PFAS: variants seen among roughly 807,000 people sequenced by gnomAD.
PFAS encodes phosphoribosylformylglycinamidine synthase.
A neutral mutation model predicts 140.6 loss-of-function variants in PFAS; 97 were observed. The observed-to-expected ratio is 0.69, with a 90% CI of 0.59 to 0.82. The LOEUF (loss-of-function observed/expected upper bound fraction) is 0.82. Among genes scored for constraint, PFAS ranks in the 40% least tolerant of loss-of-function variants. PFAS has a pLI of 0.00. For synonymous variants in PFAS, 679 were observed against 718.8 expected, an observed-to-expected ratio of 0.94 and a Z score of 0.88; for missense variants, 1,656 against 1,780.2, an observed-to-expected ratio of 0.93 and a Z score of 1.26.
chr17:8,253,021 C>T (rs1989219586), intron 1 of PFAS, among the ~76,000 whole-genome samples: 1 of 152,122 alleles, frequency 6.6e-6, no homozygotes, highest in Non-Finnish European at 1.5e-5. Flanking sequence ...CCCAGAGGCC[C>T]CACCTCCAAA....
intron 26 of PFAS, 37 bp from the exon 27 acceptor site, chr17:8,268,496 C>T (rs1989918146): frequency 2.0e-6 from 3 of 1,518,294 alleles, no homozygotes; most frequent in East Asian, 2.3e-5. Context: ...TTTTGAGGTC[C>T]TCCATGTCTC....
chr17:8,268,444 A>G (rs1267114711), intron 26 of PFAS, 89 bp from the exon 27 acceptor site: 1 of 853,984 alleles, frequency 1.2e-6, no homozygotes, highest in Non-Finnish European at 1.8e-6. Context: ...AGAAAAAAGA[A>G]AAGAAACAGA....
At position 8,266,148 on chromosome 17, in the gene PFAS, ACT is replaced by A; in HGVS notation, c.2702-83_2702-82del. The stretch of plus-strand genomic sequence containing the variant: ...CAGATCCCCTGACATTCTGACACAC[ACT>A]CTTGATGGACTGACTCCGGAAGGTG... On this transcript the variant is annotated intron_variant, in intron 21 of 27. Transcript: ENST00000314666. This position sits in a 1 kb window ranked among gnomAD's most constrained non-coding sequence, Gnocchi z 5.0. The A allele has an allele frequency of 6.4e-7, 1 of 1,573,416 alleles. No individual in the cohort carries two copies. Among genetic ancestry groups the A allele is most frequent in the Non-Finnish European group, 8.7e-7 (1 of 1,155,510 alleles).
At chr17:8,248,410 ATTTTTTTT>A (rs35534210), upstream of PFAS, among the ~76,000 whole-genome samples, 35 of 67,644 alleles carry the variant, frequency 5.2e-4, no homozygotes, top group African/African-American at 1.7e-3. Context: ...CGCCCGGCTA[ATTTTTTTT>A]TTTTTTTTTT....
In PFAS at chr17:8,266,282, C is replaced by T; in HGVS notation, c.2750C>T (p.Thr917Ile). The stretch of plus-strand genomic sequence containing the variant: ...GATGTCAGTGACGGAGGCCTCGTCA[C>T]ATGCCTGCTGGAGATGGCCTTTGCT... ...GHDVSDGGLVTCLLEMAFAGN... is the reference protein window; with the variant it reads ...GHDVSDGGLVICLLEMAFAGN... The change falls in exon 22 of 28, where the codon ACA becomes ATA. Residue 917 changes from threonine (T) to isoleucine (I), a missense_variant. Thr to Ile is a moderately conservative substitution (Grantham distance 89, BLOSUM62 -1). Coordinates refer to ENST00000314666, the MANE Select transcript of PFAS (RefSeq NM_012393.3). The surrounding 1 kb of genome is among the most constrained non-coding windows in gnomAD (Gnocchi z 5.0). 2 of 1,614,110 alleles carry T rather than the reference C, an allele frequency of 1.2e-6. No homozygotes were observed. The highest frequency in any genetic ancestry group is 8.5e-7 in the Non-Finnish European group (1 of 1,179,990).
Position 8,256,404 on chromosome 17 carries a change from G to A in PFAS, c.818G>A (p.Ser273Asn). The change falls in exon 7 of 28, where the codon AGC becomes AAC. Residue 273 changes from serine to asparagine, a missense_variant. Coordinates refer to ENST00000314666, the MANE Select transcript of PFAS (RefSeq NM_012393.3). The stretch of plus-strand genomic sequence containing the variant: ...AACGTCCTCAAATTCTGTGATAACA[G>A]CAGGTGCTGTGCCCTAGACTGGGTT... The part of the protein sequence containing the change: ...PNNVLKFCDN[S>N]SAIQGKEVRF... 6.2e-7 allele frequency: 1 copy of A among 1,614,088 alleles called. No homozygotes were observed. The highest frequency in any genetic ancestry group is 8.5e-7 in the Non-Finnish European group (1 of 1,180,028).
chr17:8,255,506 C>A lies in PFAS; in HGVS notation c.389C>A (p.Ala130Asp). 6.6e-7 allele frequency: 1 copy of A among 1,515,094 alleles called. No individual in the cohort carries two copies. Among genetic ancestry groups the A allele is most frequent in the South Asian group, 1.3e-5 (1 of 74,530 alleles). 93.9% of individuals were successfully genotyped at this position (1,515,094 alleles called of 1,614,324 possible). ...ETTRRYRLSF[A>D]HPPSAEVEAI... is the part of the protein sequence containing the mutation. ...TCTGTGTGTCTGCACCCCTAGTTTG[C>A]CCACCCCCCGTCAGCTGAGGTGGAA... The change falls in exon 5 of 28, where the codon GCC (alanine) becomes GAC (aspartate). Residue 130 changes from alanine to aspartate, a missense_variant. By Grantham distance (126) the Ala-to-Asp change is moderately radical. Around this residue, in one of 2 missense-constraint regions of PFAS, gnomAD observed 773 missense variants for 757.3 expected, o/e 1.02. Transcript: ENST00000314666.
At chr17:8,258,326 C>T (rs1989457939) in intron 11 of PFAS, 127 bp downstream of exon 11, 2 of 1,010,480 alleles carry the variant, frequency 2.0e-6, no homozygotes, top group Middle Eastern at 3.3e-4. Context: ...TTATGTGTCA[C>T]ATAATGATGG....
chr17:8,267,614 G>T lies in PFAS; in HGVS notation c.3331G>T (p.Val1111Leu). The change falls in exon 26 of 28, where the codon GTG (valine) becomes TTG (leucine). Residue 1111 changes from valine to leucine, a missense_variant. By Grantham distance (32) the Val-to-Leu change is conservative. Coordinates refer to ENST00000314666, the MANE Select transcript of PFAS (RefSeq NM_012393.3). This position sits in a 1 kb window ranked among gnomAD's most constrained non-coding sequence, Gnocchi z 4.9. The stretch of plus-strand genomic sequence containing the variant: ...AATTGGGCTGGACACTTTCCGTGGC[G>T]TGGCCTTCGTGGGCGGCTTCAGCTA... ...GAIGLDTFRG[V>L]AFVGGFSYAD... 6.2e-7 allele frequency: 1 copy of T among 1,613,072 alleles called. No homozygotes were observed. Among genetic ancestry groups the T allele is most frequent in the Non-Finnish European group, 8.5e-7 (1 of 1,179,098 alleles).
upstream of PFAS, among the ~76,000 whole-genome samples, chr17:8,248,410 ATTT>A (rs35534210): frequency 4.7e-4 from 32 of 67,646 alleles, no homozygotes; most frequent in South Asian, 4.8e-3. Context: ...CGCCCGGCTA[ATTT>A]TTTTTTTTTT....
upstream of PFAS, among the ~76,000 whole-genome samples, chr17:8,248,395 C>A (rs1988962474): frequency 6.7e-6 from 1 of 149,614 alleles, no homozygotes; most frequent in African/African-American, 2.5e-5. Flanking sequence ...CACCTGCCAC[C>A]ACCACGCCCG....
rs1397068791 is a variant in PFAS, at chr17:8,267,994, A to T, written c.3382+329A>T. The stretch of plus-strand genomic sequence containing the variant: ...TTATATATATTATTTATATATTATT[A>T]AAATATATTATTTATATATATTATT... On this transcript the variant is annotated intron_variant, in intron 26 of 27. Coordinates refer to ENST00000314666, the MANE Select transcript of PFAS (RefSeq NM_012393.3). The surrounding 1 kb of genome is among the most constrained non-coding windows in gnomAD (Gnocchi z 4.9). Among the ~76,000 whole-genome samples the T allele has an allele frequency of 2.8e-5, 4 of 142,836 alleles. No homozygotes were observed. The highest frequency in any genetic ancestry group is 6.1e-5 in the Non-Finnish European group (4 of 65,940). The allele number at this position is 142,836 out of a possible 152,430, so 93.7% of individuals were successfully genotyped here.
At chr17:8,264,680 C>T (rs1043514300) in intron 17 of PFAS, 79 bp downstream of exon 17, 117 of 1,447,620 alleles carry the variant, frequency 8.1e-5, no homozygotes, top group Non-Finnish European at 1.1e-4. Context: ...TTAGAAAGTG[C>T]TGTGGGGGTT....
rs149197186 is a variant in PFAS, at chr17:8,258,661, T to G, written c.1336+462T>G. On this transcript the variant is annotated intron_variant, in intron 11 of 27. Transcript: ENST00000314666. ...TTCAAGACCAGCCTGACCAACATGC[T>G]GAAACCCTGTTGCTACTAAAAACAC... is the stretch of plus-strand genomic sequence containing the variant. Among the ~76,000 whole-genome samples the G allele has an allele frequency of 8.8e-3, 1,335 of 152,178 alleles. 21 individuals carry two copies. The highest frequency in any genetic ancestry group is 0.03 in the African/African-American group (1,235 of 41,522).
intron 9 of PFAS, 82 bp downstream of exon 9, chr17:8,257,045 A>T: frequency 1.4e-6 from 2 of 1,460,588 alleles, no homozygotes; most frequent in Non-Finnish European, 1.9e-6. Flanking sequence ...TGTTAGGTCC[A>T]TAGGGTTATC....
chr17:8,248,280 G>C (rs532048751), upstream of PFAS, among the ~76,000 whole-genome samples: 5 of 151,182 alleles, frequency 3.3e-5, no homozygotes, highest in Admixed American at 3.3e-4. Flanking sequence ...TGGTTCTGTC[G>C]CCCAGGCTGG....
Position 8,255,845 on chromosome 17 carries a change from G to A in PFAS, c.615G>A (p.Lys205=), listed in dbSNP as rs1333568937. The A allele has an allele frequency of 4.3e-6, 7 of 1,614,160 alleles. No homozygotes were observed. The highest frequency in any genetic ancestry group is 5.1e-6 in the Non-Finnish European group (6 of 1,180,030). ...CTTGGGACCTAGACTTCTACACCAAGCGCTTCCAGGAGCTACAGCGGAACC... is the reference window on the plus strand; with the variant it reads ...CTTGGGACCTAGACTTCTACACCAAACGCTTCCAGGAGCTACAGCGGAACC... The part of the protein sequence containing the change: ...LDSWDLDFYT[K]RFQELQRNPS... The change falls in exon 6 of 28, where the codon AAG becomes AAA. Residue 205 remains lysine (K), a synonymous_variant. Coordinates refer to ENST00000314666, the MANE Select transcript of PFAS (RefSeq NM_012393.3).
At position 8,265,325 on chromosome 17, in the gene PFAS, A is replaced by G; in HGVS notation, c.2318A>G (p.Lys773Arg). The G allele has an allele frequency of 6.2e-7, 1 of 1,614,134 alleles. No homozygotes were observed. Among genetic ancestry groups the G allele is most frequent in the South Asian group, 1.1e-5 (1 of 91,078 alleles). The change falls in exon 19 of 28, where the codon AAG becomes AGG. Residue 773 changes from lysine (K) to arginine (R), a missense_variant. This residue lies in a region of PFAS where 883 missense variants were observed against 1,023.0 expected (regional missense o/e 0.86). Coordinates refer to ENST00000314666, the MANE Select transcript of PFAS (RefSeq NM_012393.3). ...AGCGGGAACTGGATGTGGGCAGCCA[A>G]GCTCCCAGGGGAGGGCGCAGCTTTG... ...KCSGNWMWAAKLPGEGAALAD... is the reference protein window; with the variant it reads ...KCSGNWMWAARLPGEGAALAD...
chr17:8,263,338 C>T (rs1597425623), intron 13 of PFAS, 73 bp downstream of exon 13: 4 of 1,505,406 alleles, frequency 2.7e-6, no homozygotes, highest in Non-Finnish European at 3.7e-6. Flanking sequence ...GGAGAGGTAT[C>T]AGGAATCTCC....
Sources: gnomAD v4.1 joint callset for allele counts (sites outside exome capture counted in the v4.1 genomes callset) on GRCh38, gnomAD v4.1.1 for gene constraint, gnomAD v4.1.1 regional missense constraint, Gnocchi (gnomAD v3.1) non-coding constraint, MANE v1.5 for transcripts, NCBI Gene and HGNC (gene_info 2026-07-23, HGNC 2026-07-21) for gene names.